The following GRIFIN variants were observed in gnomAD, a reference collection of about 807,000 sequenced individuals.
GRIFIN encodes the protein galectin-related inter-fiber protein.
Under a neutral mutation model 18.2 loss-of-function variants are expected in GRIFIN, and 22 were observed. The ratio of observed to expected loss-of-function variants is 1.21; its 90% CI spans 0.86 to 1.73. The LOEUF (loss-of-function observed/expected upper bound fraction) is 1.73. Among genes scored for constraint, GRIFIN ranks in the 40% most tolerant of loss-of-function variants. The pLI, the probability that GRIFIN is intolerant of heterozygous loss-of-function variation, is 0.00. For missense variants in GRIFIN, 200 were observed against 190.1 expected (o/e 1.05, Z -0.31); for synonymous variants, 101 against 82.8 (o/e 1.22, Z -1.19).
chr7:2,475,062 G>A (rs1294507768), intron 4 of GRIFIN, 79 bp downstream of exon 4: 8 of 1,474,080 alleles, frequency 5.4e-6, no homozygotes, highest in African/African-American at 1.4e-5. Context: ...CCGGATCAGG[G>A]TGAGAAGCAA....
intron 3 of GRIFIN, 81 bp from the exon 4 acceptor site, chr7:2,475,388 G>C: frequency 2.0e-6 from 3 of 1,474,576 alleles, no homozygotes; most frequent in Non-Finnish European, 2.7e-6. Flanking sequence ...TGATGTGCCT[G>C]CCGGCCGTCT....
chr7:2,475,349 G>A (rs771589470), intron 3 of GRIFIN, 42 bp from the exon 4 acceptor site: 3 of 1,557,316 alleles, frequency 1.9e-6, no homozygotes, highest in South Asian at 2.3e-5. Context: ...CAGCCCCCAG[G>A]GCCTGGGGTC....
rs1210331318 is a variant in GRIFIN, at chr7:2,475,206, C to A, written c.354G>T (p.Arg118Ser). 1 of 1,596,002 alleles carries A rather than the reference C, an allele frequency of 6.3e-7. No individual in the cohort carries two copies. Among genetic ancestry groups the A allele is most frequent in the Admixed American group, 1.7e-5 (1 of 59,614 alleles). The part of the protein sequence containing the change: ...CRQRPLGATT[R>S]VRVLSDHCLA... ...GGCAGTGGTCACTCAGCACGCGCAC[C>A]CTGGTGGTGGCGCCCAGCGGCCTCT... Residue 118 changes from arginine to serine, a missense_variant, in exon 4 of 5, where the codon AGG (arginine) becomes AGT (serine). By Grantham distance (110) the Arg-to-Ser change is moderately radical. Coordinates refer to ENST00000614228, the MANE Select transcript of GRIFIN (RefSeq NM_001394787.1).
At chr7:2,476,342 C>A in intron 1 of GRIFIN, 30 bp downstream of exon 1, 1 of 1,566,544 alleles carries the variant, frequency 6.4e-7, no homozygotes, top group Non-Finnish European at 8.6e-7. Flanking sequence ...CTGCACCGTT[C>A]TCCTTCTCCA....
chr7:2,475,537 C>G (rs953126259), intron 3 of GRIFIN, 132 bp downstream of exon 3: 1 of 1,123,130 alleles, frequency 8.9e-7, no homozygotes, highest in Admixed American at 5.2e-5. Context: ...AAACTGAGGC[C>G]AGGGAGGCCA....
chr7:2,475,045 A>C, intron 4 of GRIFIN, 96 bp downstream of exon 4: 1 of 1,392,002 alleles, frequency 7.2e-7, no homozygotes. Flanking sequence ...CAGGCGGAGG[A>C]GGGTCCCCGG....
chr7:2,474,928 T>C, intron 4 of GRIFIN, 43 bp from the exon 5 acceptor site: 1 of 618,160 alleles, frequency 1.6e-6, no homozygotes, highest in Non-Finnish European at 2.8e-6. Flanking sequence ...GCCCTGCCCA[T>C]GCACAGACCA....
intron 4 of GRIFIN, 91 bp from the exon 5 acceptor site, chr7:2,474,976 G>T (rs1778929744): frequency 2.6e-6 from 2 of 776,220 alleles, no homozygotes; most frequent in African/African-American, 1.7e-5. Context: ...CCCGTGGCCG[G>T]ATATGCAGGG....
intron 4 of GRIFIN, 32 bp downstream of exon 4, chr7:2,475,109 G>A: frequency 6.4e-7 from 1 of 1,551,538 alleles, no homozygotes; most frequent in Non-Finnish European, 8.7e-7. Context: ...GGCAGGAATG[G>A]GCAGGGACCT....
Position 2,475,762 on chromosome 7 carries a change from G to A in GRIFIN, c.159C>T (p.Ser53=), listed in dbSNP as rs763814089. Reference sequence around the variant, plus strand: ...GGAAGGCATTGCCCACCACAGTGGCGCTGGAGAACCGGGGCTTGATGTGGA... The same window carrying A: ...GGAAGGCATTGCCCACCACAGTGGCACTGGAGAACCGGGGCTTGATGTGGA... The part of the protein sequence containing the change: ...IAFHIKPRFS[S]ATVVGNAFQY... Residue 53 remains serine (S), a synonymous_variant, in exon 3 of 5, where the codon AGC becomes AGT. Coordinates refer to ENST00000614228, the MANE Select transcript of GRIFIN (RefSeq NM_001394787.1). 50 of 1,570,072 alleles carry A rather than the reference G, an allele frequency of 3.2e-5. No individual in the cohort carries two copies. The highest frequency in any genetic ancestry group is 1.6e-4 in the African/African-American group (12 of 74,336).
rs571302933 is a variant in GRIFIN, at chr7:2,474,904, C to T, written c.420-19G>A. ...CCGGTCCCTGCAAACATCCAAGGCACGTCCCTAGCTCCTGCCCTGCCCATG... is the reference window on the plus strand; with the variant it reads ...CCGGTCCCTGCAAACATCCAAGGCATGTCCCTAGCTCCTGCCCTGCCCATG... On this transcript the variant is annotated intron_variant, in intron 4 of 4. Transcript: ENST00000614228. 8.8e-5 allele frequency: 51 copies of T among 577,356 alleles called. No homozygotes were observed. The highest frequency in any genetic ancestry group is 2.1e-4 in the Admixed American group (7 of 33,410). 35.8% of individuals were successfully genotyped at this position (577,356 alleles called of 1,614,324 possible).
chr7:2,475,092 A>T (rs1263194585), intron 4 of GRIFIN, 49 bp downstream of exon 4: 2 of 1,526,446 alleles, frequency 1.3e-6, no homozygotes, highest in Non-Finnish European at 1.8e-6. Flanking sequence ...TGGGGTGGGC[A>T]GTGTGGGGCA....
Position 2,475,723 on chromosome 7 carries a change from C to T in GRIFIN, c.198G>A (p.Trp66Ter). The T allele has an allele frequency of 1.3e-6, 2 of 1,553,310 alleles. No homozygotes were observed. Among genetic ancestry groups the T allele is most frequent in the Non-Finnish European group, 1.7e-6 (2 of 1,154,488 alleles). Reference protein sequence around the residue: ...VVGNAFQYGRWGPEQVSSIFP... With the variant: ...VVGNAFQYGR The stretch of plus-strand genomic sequence containing the variant: ...AGATGCTAGACACCTGCTCCGGGCC[C>T]CAGCGGCCGTACTGGAAGGCATTGC... Residue 66 changes from tryptophan to a stop codon, truncating the protein, a stop_gained, in exon 3 of 5, where the codon TGG becomes TGA. Coordinates refer to ENST00000614228, the MANE Select transcript of GRIFIN (RefSeq NM_001394787.1). LOFTEE classifies it high-confidence loss of function.
Position 2,475,748 on chromosome 7 carries a change from C to T in GRIFIN, c.173G>A (p.Gly58Asp). ...CCAGCGGCCGTACTGGAAGGCATTG[C>T]CCACCACAGTGGCGCTGGAGAACCG... ...KPRFSSATVV[G>D]NAFQYGRWGP... Residue 58 changes from glycine (G) to aspartate (D), a missense_variant, in exon 3 of 5, where the codon GGC (glycine) becomes GAC (aspartate). Transcript: ENST00000614228. The T allele has an allele frequency of 6.4e-7, 1 of 1,566,730 alleles. No homozygotes were observed. The highest frequency in any genetic ancestry group is 8.6e-7 in the Non-Finnish European group (1 of 1,161,134).
intron 1 of GRIFIN, 125 bp from the exon 2 acceptor site, chr7:2,476,124 G>A: frequency 1.1e-6 from 1 of 878,006 alleles, no homozygotes; most frequent in Non-Finnish European, 1.7e-6. Context: ...CCAACCCAGT[G>A]CCAGACATAG....
rs1778946867 is a variant in GRIFIN at position 2,475,615 on chromosome 7, GTTCC to G, written c.252+50_252+53del. 3 of 1,433,198 alleles carry G rather than the reference GTTCC, an allele frequency of 2.1e-6. No individual in the cohort carries two copies. The African/African-American group carries it at 4.3e-5, about 21-fold the overall frequency. The allele number at this position is 1,433,198 out of a possible 1,614,324, so 88.8% of individuals were successfully genotyped here. A position where few individuals can be genotyped will look rare whatever the true frequency, so the allele number is the denominator to read the frequency against. ...TGAACCCGCTGCCCACTGGCCCCCT[GTTCC>G]CCCACGGGCCTTCCCTGCCTAGCCC... On this transcript the variant is annotated intron_variant, in intron 3 of 4. Coordinates refer to ENST00000614228, the MANE Select transcript of GRIFIN (RefSeq NM_001394787.1).
chr7:2,476,024 A>T (rs1277215155), intron 1 of GRIFIN, 25 bp from the exon 2 acceptor site: 2 of 1,586,424 alleles, frequency 1.3e-6, no homozygotes, highest in Non-Finnish European at 1.7e-6. Flanking sequence ...CAGGGGGACC[A>T]GCCTCATGGG....
intron 1 of GRIFIN, 25 bp downstream of exon 1, chr7:2,476,344 CCTT>C: frequency 6.4e-7 from 1 of 1,568,096 alleles, no homozygotes; most frequent in African/African-American, 1.4e-5. Context: ...GCACCGTTCT[CCTT>C]CTCCAGGTCC....
Position 2,475,304 on chromosome 7 carries a change from C to T in GRIFIN, c.256G>A (p.Glu86Lys), listed in dbSNP as rs1452108741. 1.3e-6 allele frequency: 2 copies of T among 1,591,264 alleles called. No homozygotes were observed. Among genetic ancestry groups the T allele is most frequent in the East Asian group, 4.5e-5 (2 of 44,472 alleles). Residue 86 changes from glutamate to lysine, a missense_variant, in exon 4 of 5, where the codon GAG (glutamate) becomes AAG (lysine). Physicochemically the swap from Glu to Lys is moderately conservative, Grantham distance 56. Transcript: ENST00000614228. Reference protein sequence around the residue: ...PLAPGEPFEIEVSWDAEHFHV... With the variant: ...PLAPGEPFEIKVSWDAEHFHV... The stretch of plus-strand genomic sequence containing the variant: ...AAGTGCTCCGCGTCCCAGCTGACCT[C>T]TATCTGGGCAGGCTGGGGCCAGTGA...
Sources: gnomAD v4.1 joint callset for allele counts on GRCh38, gnomAD v4.1.1 for gene constraint, MANE v1.5 for transcripts, NCBI Gene and HGNC (gene_info 2026-07-23, HGNC 2026-07-21) for gene names.